The following RORA variants were observed in gnomAD, a reference collection of about 807,000 sequenced individuals.
The protein encoded by RORA is nuclear receptor ROR-alpha.
In RORA, 7 loss-of-function variants were observed where a neutral mutation model predicts 69.5. That is an observed-to-expected ratio of 0.10 (90% CI 0.06 to 0.19). The LOEUF is 0.19. Ranked by LOEUF, RORA falls within the 10% of genes least tolerant of loss-of-function variation. The probability of loss-of-function intolerance (pLI) is 1.00; values close to 1 mark genes in which losing one functional copy is unlikely to be tolerated. For synonymous variants in RORA, 261 were observed against 240.8 expected (o/e 1.08, Z -0.78); for missense variants, 457 against 663.0 (o/e 0.69, Z 3.41).
chr15:60,948,245 G>GA (rs796591402), intron 1 of RORA, among the ~76,000 whole-genome samples: 3,489 of 137,076 alleles, frequency 0.025, 118 homozygotes, highest in African/African-American at 0.085. Flanking sequence ...AAATATGACT[G>GA]AAAAAAAAAA....
intron 2 of RORA, among the ~76,000 whole-genome samples, chr15:60,610,089 C>T (rs1038116367): frequency 2.6e-5 from 4 of 151,964 alleles, no homozygotes; most frequent in African/African-American, 9.7e-5. Flanking sequence ...AACAGAAGGG[C>T]CACCAAGAGA....
chr15:60,920,883 G>A (rs2062095), intron 1 of RORA, among the ~76,000 whole-genome samples: 98,678 of 152,026 alleles, frequency 0.65, 32,812 homozygotes, highest in East Asian at 0.87. Context: ...GGACACCTCA[G>A]TGGAGTTCTT....
chr15:60,517,354 G>T (rs529938686), intron 3 of RORA, among the ~76,000 whole-genome samples: 2 of 152,082 alleles, frequency 1.3e-5, no homozygotes, highest in African/African-American at 4.8e-5. Flanking sequence ...AAGGCTGGGG[G>T]CCTCATGTCT....
At chr15:60,947,763 G>T (rs904394997) in intron 1 of RORA, among the ~76,000 whole-genome samples, 2 of 151,160 alleles carry the variant, frequency 1.3e-5, no homozygotes, top group African/African-American at 4.9e-5. Context: ...CCTGGCTAGT[G>T]CAAAGTGCAG....
chr15:60,562,434 G>GC (rs948062249), intron 2 of RORA, among the ~76,000 whole-genome samples: 35 of 148,892 alleles, frequency 2.4e-4, no homozygotes, highest in Admixed American at 1.5e-3. Context: ...GCGGGGTTGG[G>GC]GGGGGGTTGC....
intron 3 of RORA, chr15:60,530,802 T>C (rs2066503954): frequency 6.6e-6 from 1 of 152,208 alleles, no homozygotes; most frequent in African/African-American, 2.4e-5. Flanking sequence ...CAAAAAGCCT[T>C]AGGGCTGATT....
chr15:60,738,961 T>G (rs2140846555), intron 1 of RORA, among the ~76,000 whole-genome samples: 1 of 152,334 alleles, frequency 6.6e-6, no homozygotes, highest in East Asian at 1.9e-4. Flanking sequence ...TTTCCCCCTT[T>G]TATAAGGACA....
At chr15:61,092,982 C>T (rs554300669) in intron 1 of RORA, among the ~76,000 whole-genome samples, 85 of 152,162 alleles carry the variant, frequency 5.6e-4, no homozygotes, top group African/African-American at 1.9e-3. Flanking sequence ...TGACATTGCA[C>T]CTCCCAGCCC....
intron 1 of RORA, among the ~76,000 whole-genome samples, chr15:60,824,532 T>C (rs2072933272): frequency 6.6e-6 from 1 of 152,114 alleles, no homozygotes; most frequent in Non-Finnish European, 1.5e-5. Context: ...GGTGTGCTCA[T>C]GGCCATATGC....
intron 1 of RORA, among the ~76,000 whole-genome samples, chr15:60,868,230 G>A (rs2128169): frequency 0.035 from 5,374 of 152,206 alleles, 171 homozygotes; most frequent in African/African-American, 0.086. Flanking sequence ...GAGAAGAACT[G>A]CATGGTCCCT....
At chr15:61,168,348 C>T (rs2079556554) in intron 1 of RORA, among the ~76,000 whole-genome samples, 1 of 151,894 alleles carries the variant, frequency 6.6e-6, no homozygotes, top group Admixed American at 6.6e-5. Context: ...CTTGCCTCAC[C>T]CTCCCTACTA....
chr15:61,191,728 ACT>A (rs1436702331), intron 1 of RORA, among the ~76,000 whole-genome samples: 1 of 152,192 alleles, frequency 6.6e-6, no homozygotes, highest in African/African-American at 2.4e-5. Flanking sequence ...TCCAAGGACA[ACT>A]CTGTCCATCA....
chr15:61,057,888 A>G (rs1229133825), intron 1 of RORA, among the ~76,000 whole-genome samples: 2 of 152,180 alleles, frequency 1.3e-5, no homozygotes, highest in African/African-American at 4.8e-5. Context: ...AAAGACCACT[A>G]CGGATGGGGA....
chr15:60,879,959 AT>A (rs1229385036), intron 1 of RORA, among the ~76,000 whole-genome samples: 1 of 152,178 alleles, frequency 6.6e-6, no homozygotes, highest in Non-Finnish European at 1.5e-5. Context: ...GGGTCACTAG[AT>A]AAAGGAGATT....
chr15:60,871,745 T>C (rs998536119), intron 1 of RORA, among the ~76,000 whole-genome samples: 4 of 152,214 alleles, frequency 2.6e-5, no homozygotes, highest in Non-Finnish European at 5.9e-5. Context: ...CAACCATGCA[T>C]AATTAAAAAC....
chr15:60,695,742 C>G (rs1440762861), intron 1 of RORA, among the ~76,000 whole-genome samples: 11 of 152,100 alleles, frequency 7.2e-5, no homozygotes, highest in African/African-American at 2.7e-4. Flanking sequence ...CCCCACGTCC[C>G]CACAGCTATG....
chr15:61,212,386 G>A (rs550017175), intron 1 of RORA, among the ~76,000 whole-genome samples: 47 of 152,208 alleles, frequency 3.1e-4, no homozygotes, highest in African/African-American at 1.1e-3. Context: ...GCTTACAAAC[G>A]TTCTGACTTT....
At chr15:61,110,063 G>T (rs1473056733) in intron 1 of RORA, among the ~76,000 whole-genome samples, 3 of 152,166 alleles carry the variant, frequency 2.0e-5, no homozygotes, top group Non-Finnish European at 4.4e-5. Flanking sequence ...TTGTGGTGAT[G>T]CTGGTGTAAA....
chr15:60,536,356 T>G (rs1344408130), intron 2 of RORA, among the ~76,000 whole-genome samples: 2 of 152,346 alleles, frequency 1.3e-5, no homozygotes, highest in African/African-American at 4.8e-5. Context: ...TCCTGCCTTA[T>G]AGTGAAATGA....
Sources: gnomAD v4.1 joint callset for allele counts (sites outside exome capture counted in the v4.1 genomes callset) on GRCh38, gnomAD v4.1.1 for gene constraint, MANE v1.5 for transcripts, NCBI Gene and HGNC (gene_info 2026-07-23, HGNC 2026-07-21) for gene names.